AGPAT4: variants seen among roughly 807,000 people sequenced by gnomAD.
AGPAT4 encodes 1-acyl-sn-glycerol-3-phosphate acyltransferase delta.
AGPAT4 carries 15 observed loss-of-function variants against 48.0 expected under a neutral mutation model. The ratio of observed to expected loss-of-function variants is 0.31; its 90% CI spans 0.21 to 0.48. The LOEUF is 0.48. Among genes scored for constraint, AGPAT4 ranks in the 20% least tolerant of loss-of-function variants. The pLI is 0.99. For synonymous variants in AGPAT4, 178 were observed against 198.7 expected (o/e 0.90, Z 0.88); for missense variants, 314 against 482.5 (o/e 0.65, Z 3.27).
chr6:161,210,148 AAGTCCCTATC>A (rs1781485037), intron 2 of AGPAT4, among the ~76,000 whole-genome samples: 4 of 152,144 alleles, frequency 2.6e-5, no homozygotes, highest in Non-Finnish European at 5.9e-5. Context: ...AAAAGATAGG[AAGTCCCTATC>A]TAAATAAACC....
At chr6:161,160,276 G>A (rs988215425) in intron 3 of AGPAT4, 2 of 152,308 alleles carry the variant, frequency 1.3e-5, no homozygotes, top group Non-Finnish European at 1.5e-5. Flanking sequence ...AAGTGTGCCT[G>A]GCCTTGCTCA....
At position 161,219,824 on chromosome 6, in the gene AGPAT4, G is replaced by GAT. The variant is rs1562343446; in HGVS notation, c.178+12211_178+12212insAT. On this transcript the variant is annotated intron_variant, in intron 2 of 8. Transcript: ENST00000320285. This position sits in a 1 kb window ranked among gnomAD's most constrained non-coding sequence, Gnocchi z 4.9. ...AGATTCACAGTAAAAAAGATAGACA[G>GAT]AGATAGATAGATAGATAGATAGATA... is the stretch of plus-strand genomic sequence containing the variant. 3.3e-3 allele frequency among the ~76,000 whole-genome samples: 294 copies of GAT among 89,424 alleles called. 3 individuals carry two copies. The highest frequency in any genetic ancestry group is 9.1e-3 in the South Asian group (20 of 2,206). The allele number at this position is 89,424 out of a possible 152,430, so 58.7% of individuals were successfully genotyped here.
In AGPAT4 at chr6:161,240,219, TATACACACACACAC is replaced by T. The variant is rs1394556479; in HGVS notation, c.-89-7931_-89-7918del. ...AACACTAACAGCAGATATCTTTGTG[TATACACACACACAC>T]ACACACACACACACACACACACACA... is the stretch of plus-strand genomic sequence containing the variant. On this transcript the variant is annotated intron_variant, in intron 1 of 8. Transcript: ENST00000320285. The surrounding 1 kb of genome is among the most constrained non-coding windows in gnomAD (Gnocchi z 5.5). Among the ~76,000 whole-genome samples the T allele has an allele frequency of 1.6e-5, 2 of 121,948 alleles. No individual in the cohort carries two copies. The highest frequency in any genetic ancestry group is 4.5e-4 in the East Asian group (2 of 4,434). 80.0% of individuals were successfully genotyped at this position (121,948 alleles called of 152,430 possible).
rs1343956435 is a variant in AGPAT4, at chr6:161,171,837, T to C, written c.179-5420A>G. On this transcript the variant is annotated intron_variant, in intron 2 of 8. Transcript: ENST00000320285. This position sits in a 1 kb window ranked among gnomAD's most constrained non-coding sequence, Gnocchi z 4.4. Reference sequence around the variant, plus strand: ...ATGGCATGAACCCAGGAGGCTGCACTTGCAGTGAGCCAAGATCGCACCACT... The same window carrying C: ...ATGGCATGAACCCAGGAGGCTGCACCTGCAGTGAGCCAAGATCGCACCACT... 6.6e-6 allele frequency among the ~76,000 whole-genome samples: 1 copy of C among 152,084 alleles called. No homozygotes were observed. Among genetic ancestry groups the C allele is most frequent in the African/African-American group, 2.4e-5 (1 of 41,414 alleles).
intron 2 of AGPAT4, among the ~76,000 whole-genome samples, chr6:161,207,421 G>A (rs1490227740): frequency 6.6e-6 from 1 of 152,174 alleles, no homozygotes; most frequent in Non-Finnish European, 1.5e-5. Context: ...CATGCAGCAC[G>A]CTGGGCCATG....
At chr6:161,183,729 GA>G (rs1780677084) in intron 2 of AGPAT4, among the ~76,000 whole-genome samples, 1 of 112,596 alleles carries the variant, frequency 8.9e-6, no homozygotes, top group African/African-American at 3.6e-5. Context: ...GATGGGAGAA[GA>G]GGGGAGGGGA....
Position 161,132,753 on chromosome 6 carries a change from C to G in AGPAT4, c.*3787G>C, listed in dbSNP as rs576271582. The G allele has an allele frequency of 2.6e-5, 4 of 152,356 alleles. No homozygotes were observed. In the East Asian group the frequency reaches 7.7e-4, roughly 29 times the overall value. The allele number at this position is 152,356 out of a possible 1,614,324, so 9.4% of individuals were successfully genotyped here. A position where few individuals can be genotyped will look rare whatever the true frequency, so the allele number is the denominator to read the frequency against. ...ACGTCAGTTAAGGCATCGTGAGACA[C>G]AGGTGTGGTGGAGGCATTATGAGGG... On this transcript the variant is annotated 3_prime_UTR_variant, in exon 9 of 9. Coordinates refer to ENST00000320285, the MANE Select transcript of AGPAT4 (RefSeq NM_020133.3).
In AGPAT4 at chr6:161,148,910, C is replaced by A. The variant is rs1435091739; in HGVS notation, c.767+277G>T. Reference sequence around the variant, plus strand: ...GGGTCAATAACATATTCTCTTCACACCAACACCAAAATAATTATAAAATAC... The same window carrying A: ...GGGTCAATAACATATTCTCTTCACAACAACACCAAAATAATTATAAAATAC... On this transcript the variant is annotated intron_variant, in intron 6 of 8. Transcript: ENST00000320285. The surrounding 1 kb of genome is among the most constrained non-coding windows in gnomAD (Gnocchi z 5.5). Among the ~76,000 whole-genome samples the A allele has an allele frequency of 6.6e-6, 1 of 152,212 alleles. No homozygotes were observed. Among genetic ancestry groups the A allele is most frequent in the Non-Finnish European group, 1.5e-5 (1 of 68,038 alleles).
rs985494488 is a variant in AGPAT4, at chr6:161,206,573, G to T, written c.178+25463C>A. 6.6e-6 allele frequency among the ~76,000 whole-genome samples: 1 copy of T among 152,148 alleles called. No homozygotes were observed. The highest frequency in any genetic ancestry group is 6.5e-5 in the Admixed American group (1 of 15,278). The stretch of plus-strand genomic sequence containing the variant: ...TATCAGAGAAAATCTGTTAAAACAA[G>T]TTTAAGTAAGACCTACCGTCTAATA... On this transcript the variant is annotated intron_variant, in intron 2 of 8. Coordinates refer to ENST00000320285, the MANE Select transcript of AGPAT4 (RefSeq NM_020133.3). This position sits in a 1 kb window ranked among gnomAD's most constrained non-coding sequence, Gnocchi z 4.8.
At position 161,178,935 on chromosome 6, in the gene AGPAT4, A is replaced by G. The variant is rs1780506236; in HGVS notation, c.179-12518T>C. Among the ~76,000 whole-genome samples, 1 of 152,158 alleles carries G rather than the reference A, an allele frequency of 6.6e-6. No individual in the cohort carries two copies. Among genetic ancestry groups the G allele is most frequent in the Admixed American group, 6.5e-5 (1 of 15,280 alleles). On this transcript the variant is annotated intron_variant, in intron 2 of 8. Transcript: ENST00000320285. This position sits in a 1 kb window ranked among gnomAD's most constrained non-coding sequence, Gnocchi z 5.1. The stretch of plus-strand genomic sequence containing the variant: ...TTGACCAGTTGCTGCTGCCTGTTCT[A>G]CAAACCCCACCTGGAAATCTCACAG...
rs1781341929 is a variant in AGPAT4, at chr6:161,204,969, T to TA, written c.178+27066_178+27067insT. ...GGGTATGAACAACGACATGACGCTG[T>TA]TGATGAAAAGACACTGGACAGAAAC... is the stretch of plus-strand genomic sequence containing the variant. On this transcript the variant is annotated intron_variant, in intron 2 of 8. Coordinates refer to ENST00000320285, the MANE Select transcript of AGPAT4 (RefSeq NM_020133.3). This position sits in a 1 kb window ranked among gnomAD's most constrained non-coding sequence, Gnocchi z 4.4. Among the ~76,000 whole-genome samples, 1 of 152,104 alleles carries TA rather than the reference T, an allele frequency of 6.6e-6. No homozygotes were observed. Among genetic ancestry groups the TA allele is most frequent in the East Asian group, 1.9e-4 (1 of 5,172 alleles).
In AGPAT4 at chr6:161,140,099, C is replaced by T. The variant is rs1330517163; in HGVS notation, c.844-479G>A. On this transcript the variant is annotated intron_variant, in intron 7 of 8. Transcript: ENST00000320285. This position sits in a 1 kb window ranked among gnomAD's most constrained non-coding sequence, Gnocchi z 6.5. ...GGAGCTCGCCCAGCCCGGCCCGGCA[C>T]ATGCCCCGCCTTCCCGGCCTCCACA... 1.3e-5 allele frequency among the ~76,000 whole-genome samples: 2 copies of T among 152,234 alleles called. No individual in the cohort carries two copies. Among genetic ancestry groups the T allele is most frequent in the Non-Finnish European group, 2.9e-5 (2 of 68,036 alleles).
chr6:161,209,572 G>C (rs1781469152), intron 2 of AGPAT4, among the ~76,000 whole-genome samples: 1 of 152,130 alleles, frequency 6.6e-6, no homozygotes. Flanking sequence ...CAGACCAGGA[G>C]AGACCTGAAT....
In AGPAT4 at chr6:161,233,608, A is replaced by G. The variant is rs1582896386; in HGVS notation, c.-89-1306T>C. The stretch of plus-strand genomic sequence containing the variant: ...CTCTTCTGTTTTTCACTTTCAGTAC[A>G]GTATTCAATAAATTACAAGGCCTAT... On this transcript the variant is annotated intron_variant, in intron 1 of 8. Coordinates refer to ENST00000320285, the MANE Select transcript of AGPAT4 (RefSeq NM_020133.3). This position sits in a 1 kb window ranked among gnomAD's most constrained non-coding sequence, Gnocchi z 5.4. Among the ~76,000 whole-genome samples, 1 of 152,252 alleles carries G rather than the reference A, an allele frequency of 6.6e-6. No individual in the cohort carries two copies. The highest frequency in any genetic ancestry group is 1.5e-5 in the Non-Finnish European group (1 of 68,046).
chr6:161,149,958 A>G lies in AGPAT4; in HGVS notation c.665-669T>C, dbSNP rs138725724. On this transcript the variant is annotated intron_variant, in intron 5 of 8. Coordinates refer to ENST00000320285, the MANE Select transcript of AGPAT4 (RefSeq NM_020133.3). The surrounding 1 kb of genome is among the most constrained non-coding windows in gnomAD (Gnocchi z 6.5). ...AGTCAAGAAACACCGAAATTTGAAC[A>G]AGTGTGGATGATAAGAAAAATTATT... Among the ~76,000 whole-genome samples, 1,592 of 152,348 alleles carry G rather than the reference A, an allele frequency of 0.01. 21 individuals carry two copies. Among genetic ancestry groups the G allele is most frequent in the Non-Finnish European group, 0.016 (1,086 of 68,026 alleles).
At chr6:161,205,106 G>A (rs908978717) in intron 2 of AGPAT4, among the ~76,000 whole-genome samples, 1 of 152,108 alleles carries the variant, frequency 6.6e-6, no homozygotes, top group Non-Finnish European at 1.5e-5. Flanking sequence ...CAGCAACGCC[G>A]TTTTGCTCAG....
In AGPAT4 at chr6:161,131,736, A is replaced by C. The variant is rs1355946466; in HGVS notation, c.*4804T>G. On this transcript the variant is annotated 3_prime_UTR_variant, in exon 9 of 9. Transcript: ENST00000320285. ...TAATTTCAAACAGTTGAATGTCGTG[A>C]TCGATACTATGTCAGTTGGTGATGA... 1.3e-5 allele frequency: 2 copies of C among 152,250 alleles called. No homozygotes were observed. The highest frequency in any genetic ancestry group is 4.8e-5 in the African/African-American group (2 of 41,460). 9.4% of individuals were successfully genotyped at this position (152,250 alleles called of 1,614,324 possible).
intron 2 of AGPAT4, among the ~76,000 whole-genome samples, chr6:161,194,380 C>T (rs1302026850): frequency 6.6e-6 from 1 of 151,994 alleles, no homozygotes; most frequent in Non-Finnish European, 1.5e-5. Flanking sequence ...TTATGAGCTG[C>T]TCCTGTCTCC....
rs1398302372 is a variant in AGPAT4 at position 161,158,159 on chromosome 6, CTG to C, written c.349-3851_349-3850del. Among the ~76,000 whole-genome samples, 3 of 152,202 alleles carry C rather than the reference CTG, an allele frequency of 2.0e-5. 1 individual carries two copies. Among genetic ancestry groups the C allele is most frequent in the African/African-American group, 7.2e-5 (3 of 41,450 alleles). On this transcript the variant is annotated intron_variant, in intron 3 of 8. Transcript: ENST00000320285. This position sits in a 1 kb window ranked among gnomAD's most constrained non-coding sequence, Gnocchi z 5.3. ...TTATTTAAGCACAACTGAAGAGTCA[CTG>C]TGCACAGACAGTTGCCCAAGTTAAC...
Sources: gnomAD v4.1 joint callset for allele counts (sites outside exome capture counted in the v4.1 genomes callset) on GRCh38, gnomAD v4.1.1 for gene constraint, Gnocchi (gnomAD v3.1) non-coding constraint, MANE v1.5 for transcripts, NCBI Gene and HGNC (gene_info 2026-07-23, HGNC 2026-07-21) for gene names.